Variants in POFUT3 observed in about 807,000 individuals in gnomAD.
The protein encoded by POFUT3 is protein O-fucosyltransferase 3.
the POFUT3 span, among the ~76,000 whole-genome samples, chr8:33,402,574 A>G: frequency 6.6e-6 from 1 of 152,186 alleles, no homozygotes; most frequent in Non-Finnish European, 1.5e-5. Context: ...CTGAAACAGC[A>G]AAAAACTTGG....
chr8:33,399,264 G>A, the POFUT3 span, among the ~76,000 whole-genome samples: 1 of 152,140 alleles, frequency 6.6e-6, no homozygotes, highest in South Asian at 2.1e-4. Context: ...CTGAAAACAA[G>A]TACTTATTCT....
the POFUT3 span, among the ~76,000 whole-genome samples, chr8:33,350,003 G>T: frequency 6.6e-6 from 1 of 152,000 alleles, no homozygotes; most frequent in Non-Finnish European, 1.5e-5. Flanking sequence ...GGAGTAAGGT[G>T]GTATCTCATT....
At chr8:33,323,355 G>C in the POFUT3 span, among the ~76,000 whole-genome samples, 1 of 152,168 alleles carries the variant, frequency 6.6e-6, no homozygotes, top group African/African-American at 2.4e-5. Context: ...ATGACAGTGC[G>C]TTGCACTGCA....
At chr8:33,328,389 A>C in the POFUT3 span, among the ~76,000 whole-genome samples, 1 of 78,466 alleles carries the variant, frequency 1.3e-5, no homozygotes, top group Non-Finnish European at 2.6e-5. Context: ...AACAAAAAAC[A>C]AAAAAAAAAA....
At chr8:33,377,621 CTT>C in the POFUT3 span, 1 of 152,224 alleles carries the variant, frequency 6.6e-6, no homozygotes, top group African/African-American at 2.4e-5. Context: ...GAAATGAACT[CTT>C]TCCACTCTAA....
At chr8:33,443,966 C>CT in the POFUT3 span, among the ~76,000 whole-genome samples, 2,210 of 133,804 alleles carry the variant, frequency 0.017, 24 homozygotes, top group Middle Eastern at 0.027. Flanking sequence ...TTTCTACAAG[C>CT]TTTTTTTTTT....
At chr8:33,432,016 C>CTA in the POFUT3 span, among the ~76,000 whole-genome samples, 1 of 152,120 alleles carries the variant, frequency 6.6e-6, no homozygotes, top group Non-Finnish European at 1.5e-5. Flanking sequence ...TGGCTTATGC[C>CTA]TATAATCCTA....
the POFUT3 span, among the ~76,000 whole-genome samples, chr8:33,356,851 A>C: frequency 6.6e-6 from 1 of 152,108 alleles, no homozygotes; most frequent in Non-Finnish European, 1.5e-5. Context: ...TTTTTGTATA[A>C]GGTGTAAGGA....
At chr8:33,334,309 C>G in the POFUT3 span, among the ~76,000 whole-genome samples, 1 of 152,060 alleles carries the variant, frequency 6.6e-6, no homozygotes, top group Non-Finnish European at 1.5e-5. Context: ...CCTCTGCCTC[C>G]CAGGTTCAAG....
chr8:33,471,486 G>A, the POFUT3 span, among the ~76,000 whole-genome samples: 15 of 152,162 alleles, frequency 9.9e-5, no homozygotes, highest in Middle Eastern at 3.4e-3. Context: ...TCCTGATCTC[G>A]TGATCCGCCC....
At chr8:33,421,563 A>C in the POFUT3 span, among the ~76,000 whole-genome samples, 1 of 151,792 alleles carries the variant, frequency 6.6e-6, no homozygotes, top group Non-Finnish European at 1.5e-5. Flanking sequence ...CTGAGTTCTA[A>C]ACAAATGTTT....
chr8:33,375,336 G>C, the POFUT3 span, among the ~76,000 whole-genome samples: 18 of 152,248 alleles, frequency 1.2e-4, no homozygotes, highest in African/African-American at 4.1e-4. Context: ...GAGAAAAAAA[G>C]AAAAGAAAGA....
the POFUT3 span, among the ~76,000 whole-genome samples, chr8:33,349,733 G>A: frequency 6.6e-6 from 1 of 152,128 alleles, no homozygotes; most frequent in African/African-American, 2.4e-5. Flanking sequence ...GAATTGTTCT[G>A]CCATAAACAT....
At chr8:33,354,941 C>T in the POFUT3 span, among the ~76,000 whole-genome samples, 6 of 152,158 alleles carry the variant, frequency 3.9e-5, no homozygotes, top group African/African-American at 7.2e-5. Context: ...GCGGCACTTC[C>T]GAAATCCCAA....
chr8:33,421,965 G>C, the POFUT3 span, among the ~76,000 whole-genome samples: 1 of 149,374 alleles, frequency 6.7e-6, no homozygotes, highest in African/African-American at 2.5e-5. Context: ...AAACTTTTTA[G>C]GCCAACTTCC....
the POFUT3 span, among the ~76,000 whole-genome samples, chr8:33,374,937 G>T: frequency 6.7e-6 from 1 of 149,296 alleles, no homozygotes; most frequent in East Asian, 2.0e-4. Context: ...GCAGTGGCAT[G>T]ATCTCAGCTC....
the POFUT3 span, among the ~76,000 whole-genome samples, chr8:33,423,136 C>T: frequency 3.3e-5 from 5 of 152,034 alleles, no homozygotes; most frequent in African/African-American, 1.2e-4. Flanking sequence ...CACTTTATGG[C>T]GCTTCTCATT....
chr8:33,470,113 T>C, the POFUT3 span, among the ~76,000 whole-genome samples: 1 of 151,364 alleles, frequency 6.6e-6, no homozygotes, highest in South Asian at 2.1e-4. Flanking sequence ...ATTTTTAAAA[T>C]GGAAAGCTTG....
chr8:33,347,823 A>G, the POFUT3 span, among the ~76,000 whole-genome samples: 21 of 152,170 alleles, frequency 1.4e-4, no homozygotes, highest in Non-Finnish European at 5.9e-5. Context: ...TCACCTCCTG[A>G]TGCCAGGTGC....
Sources: gnomAD v4.1 joint callset for allele counts (sites outside exome capture counted in the v4.1 genomes callset) on GRCh38, gnomAD v4.1.1 for gene constraint, MANE v1.5 for transcripts, NCBI Gene and HGNC (gene_info 2026-07-23, HGNC 2026-07-21) for gene names.